MYH7B: variants seen among roughly 807,000 people sequenced by gnomAD.
MYH7B encodes the protein myosin heavy chain 7B.
MYH7B carries 205 observed loss-of-function variants against 234.5 expected under a neutral mutation model. The ratio of observed to expected loss-of-function variants is 0.87; its 90% CI spans 0.78 to 0.98. The LOEUF (loss-of-function observed/expected upper bound fraction) is 0.98, where lower values mean the gene tolerates loss of function less well. Among genes scored for constraint, MYH7B ranks in the 50% least tolerant of loss-of-function variants. MYH7B has a pLI of 0.00. For missense variants in MYH7B, 2,652 were observed against 2,633.4 expected, an observed-to-expected ratio of 1.01 and a Z score of -0.15; for synonymous variants, 1,193 against 1,105.0, an observed-to-expected ratio of 1.08 and a Z score of -1.58.
chr20:34,959,375 G>A (rs2081670220), intron 2 of MYH7B, among the ~76,000 whole-genome samples: 1 of 152,130 alleles, frequency 6.6e-6, no homozygotes, highest in African/African-American at 2.4e-5. Flanking sequence ...GAGATGATTT[G>A]CCCTGAGCCT....
In MYH7B at chr20:34,987,931, A is replaced by T; in HGVS notation, c.1416+17A>T. ...ATCTTTGAGGTGAGGACAGGCCCTC[A>T]CCTTGGCCTCTGTTCTCTCCAAGGT... On this transcript the variant is annotated intron_variant, in intron 18 of 44. Coordinates refer to ENST00000262873, the Ensembl canonical transcript of MYH7B. 6.3e-7 allele frequency: 1 copy of T among 1,575,430 alleles called. No homozygotes were observed. Among genetic ancestry groups the T allele is most frequent in the Non-Finnish European group, 8.6e-7 (1 of 1,158,786 alleles).
chr20:35,001,433 C>T (rs768432189), exon 43 of MYH7B: 12 of 1,598,914 alleles, frequency 7.5e-6, no homozygotes, highest in African/African-American at 1.3e-5. Flanking sequence ...CCGCCCAGGC[C>T]GAGGAGGACA....
chr20:34,993,081 A>G (rs369618245), intron 24 of MYH7B, 21 bp from the exon 25 acceptor site: 38 of 1,604,690 alleles, frequency 2.4e-5, no homozygotes, highest in Non-Finnish European at 3.1e-5. Flanking sequence ...TCTCCTGACC[A>G]GCTCTGCCCT....
intron 38 of MYH7B, 95 bp from the exon 39 acceptor site, chr20:35,000,198 T>C: frequency 7.1e-7 from 1 of 1,417,566 alleles, no homozygotes; most frequent in Non-Finnish European, 9.5e-7. Context: ...GACTCATTTG[T>C]TCTCAAAATG....
At chr20:34,979,344 G>T in intron 5 of MYH7B, 46 bp from the exon 6 acceptor site, 1 of 1,470,462 alleles carries the variant, frequency 6.8e-7, no homozygotes, top group South Asian at 1.2e-5. Flanking sequence ...AGAACCTGGA[G>T]GTGCCTCAGC....
At chr20:34,994,490 C>G in intron 27 of MYH7B, 89 bp downstream of exon 27, 1 of 1,415,752 alleles carries the variant, frequency 7.1e-7, no homozygotes, top group East Asian at 2.4e-5. Flanking sequence ...ACCCATGGGG[C>G]TCAGGCCTTA....
Position 34,987,009 on chromosome 20 carries a change from G to A in MYH7B, c.1008+20G>A, listed in dbSNP as rs778138266. On this transcript the variant is annotated intron_variant, in intron 15 of 44. Transcript: ENST00000262873. ...ACCGACGTATGAGCTCTGGTGGGAG[G>A]GGAGCTGTGTGGACGCCTGTGGTGG... The A allele has an allele frequency of 8.1e-6, 13 of 1,611,436 alleles. No individual in the cohort carries two copies. In the African/African-American group the frequency reaches 1.3e-4, roughly 17 times the overall value.
At chr20:34,960,013 A>G in intron 2 of MYH7B, among the ~76,000 whole-genome samples, 1 of 152,186 alleles carries the variant, frequency 6.6e-6, no homozygotes. Flanking sequence ...TGGTGTTCCC[A>G]CATATGTACC....
At chr20:34,999,466 A>ATGGGGGTGCCCTGG in intron 36 of MYH7B, 61 bp downstream of exon 36, 1 of 1,523,724 alleles carries the variant, frequency 6.6e-7, no homozygotes, top group Non-Finnish European at 8.8e-7. Context: ...ACTTTGAGTT[A>ATGGGGGTGCCCTGG]TGGGGGTGCC....
intron 19 of MYH7B, among the ~76,000 whole-genome samples, chr20:34,989,527 T>C (rs574168378): frequency 6.6e-6 from 1 of 152,224 alleles, no homozygotes; most frequent in African/African-American, 2.4e-5. Context: ...GTGCTGCAGA[T>C]TTTGCAGGAG....
intron 27 of MYH7B, 89 bp downstream of exon 27, chr20:34,994,490 C>CTCAG: frequency 7.1e-7 from 1 of 1,415,752 alleles, no homozygotes; most frequent in Non-Finnish European, 9.4e-7. Context: ...ACCCATGGGG[C>CTCAG]TCAGGCCTTA....
intron 2 of MYH7B, among the ~76,000 whole-genome samples, chr20:34,968,892 G>A (rs6060132): frequency 0.25 from 37,887 of 152,226 alleles, 5,122 homozygotes; most frequent in Non-Finnish European, 0.31. Context: ...GGCTGGGGGC[G>A]GGACTGGGCT....
At chr20:34,997,213 C>T (rs1412885762) in intron 31 of MYH7B, 38 bp from the exon 32 acceptor site, 19 of 1,553,440 alleles carry the variant, frequency 1.2e-5, no homozygotes, top group Non-Finnish European at 1.6e-5. Flanking sequence ...GGGTCAGAGG[C>T]CCACAGAGGT....
chr20:34,990,561 G>A, intron 22 of MYH7B, 177 bp from the exon 23 acceptor site: 1 of 787,988 alleles, frequency 1.3e-6, no homozygotes, highest in South Asian at 1.5e-5. Context: ...GGGAAGTGAA[G>A]ACTTTGGTGG....
intron 30 of MYH7B, 148 bp from the exon 31 acceptor site, chr20:34,996,935 G>T: frequency 7.8e-7 from 1 of 1,280,640 alleles, no homozygotes; most frequent in Non-Finnish European, 1.1e-6. Flanking sequence ...CCTAGCCAGG[G>T]TCCAGGGCTG....
Position 35,001,974 on chromosome 20 carries a change from C to CAA in MYH7B, c.5704_5705dup (p.Tyr1903SerfsTer59), listed in dbSNP as rs2082397672. ...AGCAGCAGGCCAACACCAACCTGGC[C>CAA]AAGTATCGCAAGGCCCAGCACGAGC... On this transcript the variant is annotated frameshift_variant, in exon 44 of 45. Coordinates refer to ENST00000262873, the Ensembl canonical transcript of MYH7B. LOFTEE classifies it high-confidence loss of function. 1 of 1,613,642 alleles carries CAA rather than the reference C, an allele frequency of 6.2e-7. No individual in the cohort carries two copies. The highest frequency in any genetic ancestry group is 1.1e-5 in the South Asian group (1 of 91,058).
At chr20:34,991,083 G>T (rs2082137593) in exon 24 of MYH7B, 1 of 1,613,274 alleles carries the variant, frequency 6.2e-7, no homozygotes, top group Non-Finnish European at 8.5e-7. Flanking sequence ...GCCGCCAAGG[G>T]TTCCCCAACA....
rs768941596 is a variant in MYH7B, at chr20:35,001,539, G to A, written c.5676+13G>A. The A allele has an allele frequency of 1.8e-5, 28 of 1,592,244 alleles. No homozygotes were observed. The highest frequency in any genetic ancestry group is 2.0e-5 in the Non-Finnish European group (23 of 1,169,690). ...GTTTGAGGAGGCGGTGAGTGCGCTG[G>A]GGCCTGGACACCTGGACCGGGCACC... is the stretch of plus-strand genomic sequence containing the variant. On this transcript the variant is annotated intron_variant, in intron 43 of 44. Coordinates refer to ENST00000262873, the Ensembl canonical transcript of MYH7B.
At chr20:35,001,797 A>G (rs1255526416) in intron 43 of MYH7B, 151 bp from the exon 44 acceptor site, 2 of 1,283,844 alleles carry the variant, frequency 1.6e-6, no homozygotes, top group Non-Finnish European at 1.1e-6. Flanking sequence ...CAACTTCCTT[A>G]TTCCCGCTGT....
Sources: allele counts gnomAD v4.1 joint callset (sites outside exome capture counted in the v4.1 genomes callset), GRCh38; gene constraint gnomAD v4.1.1; transcripts MANE v1.5; gene names NCBI Gene and HGNC (gene_info 2026-07-23, HGNC 2026-07-21).